SHLD1: variants seen among roughly 807,000 people sequenced by gnomAD.
SHLD1 encodes the protein RINN1-REV7-interacting novel NHEJ regulator 3.
SHLD1 carries 3 observed loss-of-function variants against 5.5 expected under a neutral mutation model. The ratio of observed to expected loss-of-function variants is 0.54; its 90% CI spans 0.25 to 1.40. The LOEUF is 1.40. SHLD1 is among the 40% of genes most tolerant of loss of function. The pLI is 0.15. For missense variants in SHLD1, 210 were observed against 244.4 expected, an observed-to-expected ratio of 0.86 and a Z score of 0.94; for synonymous variants, 92 against 94.3, an observed-to-expected ratio of 0.98 and a Z score of 0.14.
intron 2 of SHLD1, among the ~76,000 whole-genome samples, chr20:5,853,577 T>G (rs1034958330): frequency 6.6e-6 from 1 of 152,214 alleles, no homozygotes; most frequent in African/African-American, 2.4e-5. Context: ...TTTTCCTTAA[T>G]CTAAAACTTT....
intron 2 of SHLD1, among the ~76,000 whole-genome samples, chr20:5,804,548 C>T (rs440090): frequency 0.29 from 43,969 of 151,914 alleles, 7,517 homozygotes; most frequent in African/African-American, 0.47. Context: ...GATATGTGAC[C>T]GTACAAGAAC....
chr20:5,759,713 G>T (rs531476106), intron 1 of SHLD1, among the ~76,000 whole-genome samples: 4 of 151,736 alleles, frequency 2.6e-5, no homozygotes, highest in Non-Finnish European at 4.4e-5. Flanking sequence ...TTTTTTGTTT[G>T]TTTGTTTTGT....
At chr20:5,837,102 CAG>C (rs2087798378) in intron 2 of SHLD1, among the ~76,000 whole-genome samples, 1 of 152,116 alleles carries the variant, frequency 6.6e-6, no homozygotes, top group Admixed American at 6.5e-5. Flanking sequence ...AGCAATAGGA[CAG>C]AAGATTCTCC....
At chr20:5,765,048 T>C (rs1984746963) in intron 1 of SHLD1, 2 of 149,646 alleles carry the variant, frequency 1.3e-5, no homozygotes, top group Non-Finnish European at 3.0e-5. Flanking sequence ...CTCTCCAGTA[T>C]TGAAAAAGAA....
At chr20:5,784,145 G>C (rs1257935072) in intron 2 of SHLD1, among the ~76,000 whole-genome samples, 2 of 114,458 alleles carry the variant, frequency 1.7e-5, no homozygotes, top group Non-Finnish European at 1.8e-5. Context: ...AAGTGAGACT[G>C]TCTTAAAAAA....
chr20:5,839,018 T>C (rs1342559535), intron 2 of SHLD1, among the ~76,000 whole-genome samples: 1 of 152,104 alleles, frequency 6.6e-6, no homozygotes. Flanking sequence ...TCCTACACCA[T>C]GGAGATAGAT....
rs188998022 is a variant in SHLD1, at chr20:5,772,048, G to A, written c.-4-814G>A. On this transcript the variant is annotated intron_variant, in intron 1 of 2. Transcript: ENST00000303142. ...CACCACCAAGCCTGGCTAAATTTTT[G>A]TATTTGTAGTAGAGACAGGGTTTCA... 753 of 406,018 alleles carry A rather than the reference G, an allele frequency of 1.9e-3. 1 individual carries two copies. Among genetic ancestry groups the A allele is most frequent in the Non-Finnish European group, 3.1e-3 (632 of 202,412 alleles). 25.2% of individuals were successfully genotyped at this position (406,018 alleles called of 1,614,324 possible).
intron 1 of SHLD1, among the ~76,000 whole-genome samples, chr20:5,764,126 C>CAAAAAAA (rs766327106): frequency 7.5e-5 from 4 of 53,194 alleles, no homozygotes; most frequent in African/African-American, 3.1e-4. Flanking sequence ...GGCTCTGTCT[C>CAAAAAAA]AAAAAAAAAA....
At chr20:5,805,863 A>T (rs1287134240) in intron 2 of SHLD1, among the ~76,000 whole-genome samples, 1 of 152,216 alleles carries the variant, frequency 6.6e-6, no homozygotes, top group African/African-American at 2.4e-5. Flanking sequence ...GGCCTCCCAA[A>T]GTGCTGGGAT....
intron 2 of SHLD1, among the ~76,000 whole-genome samples, chr20:5,825,115 C>G (rs1310534950): frequency 6.6e-6 from 1 of 152,236 alleles, no homozygotes; most frequent in Non-Finnish European, 1.5e-5. Flanking sequence ...TAACAAGTGT[C>G]GTCGGCTGAC....
intron 2 of SHLD1, among the ~76,000 whole-genome samples, chr20:5,778,114 CTTTTTT>C: frequency 8.9e-6 from 1 of 111,932 alleles, no homozygotes; most frequent in Non-Finnish European, 1.8e-5. Flanking sequence ...ATCCCTTTTT[CTTTTTT>C]TTTTTTTTTT....
At position 5,762,933 on chromosome 20, in the gene SHLD1, G is replaced by A. The variant is rs959850836; in HGVS notation, c.-4-9929G>A. ...GGTTGCAGTGAGCCGAGATCGCGCCGTTGCACTCTAACCTGGTGACAGAGT... is the reference window on the plus strand; with the variant it reads ...GGTTGCAGTGAGCCGAGATCGCGCCATTGCACTCTAACCTGGTGACAGAGT... On this transcript the variant is annotated intron_variant, in intron 1 of 2. Coordinates refer to ENST00000303142, the MANE Select transcript of SHLD1 (RefSeq NM_152504.4). Among the ~76,000 whole-genome samples the A allele has an allele frequency of 3.5e-4, 50 of 142,844 alleles. 1 individual carries two copies. Among genetic ancestry groups the A allele is most frequent in the African/African-American group, 1.0e-3 (39 of 37,820 alleles). 93.7% of individuals were successfully genotyped at this position (142,844 alleles called of 152,430 possible).
chr20:5,856,985 T>G (rs1448721475), intron 2 of SHLD1, among the ~76,000 whole-genome samples: 3 of 151,578 alleles, frequency 2.0e-5, no homozygotes, highest in African/African-American at 7.3e-5. Context: ...CTATTTTGTT[T>G]TGTTTTGTTT....
At chr20:5,822,956 T>A (rs1417119033) in intron 2 of SHLD1, among the ~76,000 whole-genome samples, 3 of 151,996 alleles carry the variant, frequency 2.0e-5, no homozygotes, top group African/African-American at 7.3e-5. Context: ...TCCCGATTTC[T>A]CTCCAACCCA....
chr20:5,788,378 T>G (rs568602178), intron 2 of SHLD1, among the ~76,000 whole-genome samples: 1 of 152,208 alleles, frequency 6.6e-6, no homozygotes, highest in Non-Finnish European at 1.5e-5. Context: ...GATGAGGAAG[T>G]GACCCTCAGA....
At chr20:5,859,533 G>C (rs554288254) in intron 2 of SHLD1, among the ~76,000 whole-genome samples, 1 of 152,162 alleles carries the variant, frequency 6.6e-6, no homozygotes, top group East Asian at 1.9e-4. Flanking sequence ...ATGCATCACT[G>C]AGCACGAACT....
chr20:5,813,619 G>T (rs1272915345), intron 2 of SHLD1, among the ~76,000 whole-genome samples: 3 of 152,204 alleles, frequency 2.0e-5, no homozygotes, highest in African/African-American at 4.8e-5. Context: ...TGAAGGGTGT[G>T]ATTAAAATAT....
intron 2 of SHLD1, among the ~76,000 whole-genome samples, chr20:5,830,850 A>G (rs1216336980): frequency 1.3e-5 from 2 of 152,098 alleles, no homozygotes; most frequent in African/African-American, 4.8e-5. Flanking sequence ...GTAAAAGTTA[A>G]TAGAGCTTAT....
intron 2 of SHLD1, among the ~76,000 whole-genome samples, chr20:5,775,090 A>G (rs961136958): frequency 2.0e-5 from 3 of 152,080 alleles, no homozygotes; most frequent in Non-Finnish European, 2.9e-5. Flanking sequence ...CTAGGCTGGA[A>G]TACTGTGGTG....
Sources: gnomAD v4.1 joint callset for allele counts (sites outside exome capture counted in the v4.1 genomes callset) on GRCh38, gnomAD v4.1.1 for gene constraint, MANE v1.5 for transcripts, NCBI Gene and HGNC (gene_info 2026-07-23, HGNC 2026-07-21) for gene names.